The following SYTL5 variants were observed in gnomAD, a reference collection of about 807,000 sequenced individuals.
SYTL5 encodes the protein synaptotagmin-like protein 5.
A neutral mutation model predicts 55.9 loss-of-function variants in SYTL5; 34 were observed. The ratio of observed to expected loss-of-function variants is 0.61; its 90% CI spans 0.46 to 0.81. The LOEUF (loss-of-function observed/expected upper bound fraction) is 0.81, where lower values mean the gene tolerates loss of function less well. Ranked by LOEUF, SYTL5 falls within the 30% of genes least tolerant of loss-of-function variation. SYTL5 has a pLI of 0.00. For missense variants in SYTL5, 637 were observed against 546.7 expected, an observed-to-expected ratio of 1.17 and a Z score of -1.65; for synonymous variants, 221 against 188.7, an observed-to-expected ratio of 1.17 and a Z score of -1.40.
At chrX:37,911,826 A>G in the SYTL5 span, among the ~76,000 whole-genome samples, 1 of 111,981 alleles carries the variant, frequency 8.9e-6, no homozygotes, top group Admixed American at 9.5e-5. Context: ...ATATACGTAC[A>G]TGTATATTGT....
chrX:38,026,226 G>A (rs897217503), intron 1 of SYTL5, among the ~76,000 whole-genome samples: 3 of 112,337 alleles, frequency 2.7e-5, no homozygotes, highest in Non-Finnish European at 5.6e-5. Context: ...GATCTTCCTT[G>A]TCTATGCCTT....
chrX:38,040,123 G>A (rs1286571842), intron 2 of SYTL5, among the ~76,000 whole-genome samples: 1 of 109,318 alleles, frequency 9.1e-6, no homozygotes, highest in Non-Finnish European at 1.9e-5. Flanking sequence ...GCAGTGAGCC[G>A]AGGTCGCACC....
chrX:38,009,239 ACTT>A (rs1426426765), intron 1 of SYTL5, among the ~76,000 whole-genome samples: 1 of 111,817 alleles, frequency 8.9e-6, no homozygotes, highest in African/African-American at 3.2e-5. Context: ...TTTCTCTATA[ACTT>A]CTTATCAACC....
the SYTL5 span, among the ~76,000 whole-genome samples, chrX:37,925,066 T>A: frequency 9.0e-6 from 1 of 111,306 alleles, no homozygotes; most frequent in African/African-American, 3.3e-5. Flanking sequence ...TTCTACCTTT[T>A]ATCTCCATGA....
intron 14 of SYTL5, among the ~76,000 whole-genome samples, 194 bp downstream of exon 14, chrX:38,120,660 G>A (rs995053871): frequency 1.8e-5 from 2 of 110,885 alleles, no homozygotes; most frequent in Non-Finnish European, 3.8e-5. Flanking sequence ...CTCTTACAAG[G>A]AATCCTTGTA....
intron 1 of SYTL5, among the ~76,000 whole-genome samples, chrX:38,009,279 G>C (rs1452223349): frequency 8.9e-6 from 1 of 111,757 alleles, no homozygotes; most frequent in Non-Finnish European, 1.9e-5. Flanking sequence ...ACCTCTAAGT[G>C]GATACCTCCA....
At chrX:38,029,977 C>T (rs1411728956) in intron 1 of SYTL5, among the ~76,000 whole-genome samples, 1 of 111,627 alleles carries the variant, frequency 9.0e-6, no homozygotes, top group African/African-American at 3.2e-5. Context: ...CTTGCAGGCA[C>T]AGCTGGAAGG....
At chrX:37,965,236 A>AC in the SYTL5 span, among the ~76,000 whole-genome samples, 1 of 110,692 alleles carries the variant, frequency 9.0e-6, no homozygotes, top group East Asian at 2.8e-4. Flanking sequence ...CTTTTGCTGG[A>AC]CCCCATATAG....
chrX:37,985,914 G>A, the SYTL5 span, among the ~76,000 whole-genome samples: 1 of 111,228 alleles, frequency 9.0e-6, no homozygotes, highest in Admixed American at 9.5e-5. Flanking sequence ...GGGGAAGGAA[G>A]AGCACTATCA....
At chrX:38,043,661 G>GTATATATATATATATATATATATATA (rs35312093) in intron 2 of SYTL5, among the ~76,000 whole-genome samples, 12 of 50,140 alleles carry the variant, frequency 2.4e-4, no homozygotes, top group Admixed American at 5.0e-4. Flanking sequence ...ATGTATGTAT[G>GTATATATATATATATATATATATATA]TATATATATA....
intron 3 of SYTL5, among the ~76,000 whole-genome samples, chrX:38,070,992 C>T (rs1476091004): frequency 2.7e-5 from 3 of 111,296 alleles, no homozygotes; most frequent in Admixed American, 9.6e-5. Flanking sequence ...CCTCATTTCA[C>T]TGATGATAAT....
In SYTL5 at chrX:38,054,207, T is replaced by C. The variant is rs1368032170; in HGVS notation, c.120-6T>C. 2.2e-5 allele frequency: 26 copies of C among 1,198,328 alleles called. No homozygotes were observed. Among genetic ancestry groups the C allele is most frequent in the Middle Eastern group, 2.3e-4 (1 of 4,353 alleles). On this transcript the variant is annotated splice_polypyrimidine_tract_variant and splice_region_variant and intron_variant, in intron 2 of 16. Transcript: ENST00000297875. Reference sequence around the variant, plus strand: ...TTAAGTGATTTTTTTTCCCCTCTTCTTTCAGGAAGCTGAAAAATGAACTCT... The same window carrying C: ...TTAAGTGATTTTTTTTCCCCTCTTCCTTCAGGAAGCTGAAAAATGAACTCT...
the SYTL5 span, among the ~76,000 whole-genome samples, chrX:37,959,897 G>T: frequency 9.0e-6 from 1 of 111,504 alleles, no homozygotes; most frequent in African/African-American, 3.3e-5. Context: ...TTGAAATCTG[G>T]GTGAAGGATG....
intron 7 of SYTL5, among the ~76,000 whole-genome samples, chrX:38,093,979 T>G (rs942150071): frequency 9.0e-6 from 1 of 111,429 alleles, no homozygotes; most frequent in Admixed American, 9.6e-5. Flanking sequence ...ACATCCCTCA[T>G]GTAAGATTGA....
intron 1 of SYTL5, among the ~76,000 whole-genome samples, chrX:38,023,267 C>G (rs917267892): frequency 2.7e-5 from 3 of 112,078 alleles, no homozygotes; most frequent in African/African-American, 9.7e-5. Context: ...GGATTCAATT[C>G]TTAACATTAT....
chrX:37,905,733 G>T, the SYTL5 span, among the ~76,000 whole-genome samples: 66 of 112,795 alleles, frequency 5.9e-4, no homozygotes, highest in Non-Finnish European at 9.8e-4. Context: ...GAGCTCAAAT[G>T]GTCAGCCCGG....
At chrX:37,889,218 G>C in the SYTL5 span, among the ~76,000 whole-genome samples, 14 of 112,487 alleles carry the variant, frequency 1.2e-4, no homozygotes. Flanking sequence ...GGAGCTGTAA[G>C]TGACCCAGAG....
chrX:37,893,808 T>C, the SYTL5 span, among the ~76,000 whole-genome samples: 5 of 98,207 alleles, frequency 5.1e-5, no homozygotes, highest in African/African-American at 1.8e-4. Flanking sequence ...ATATAATCTA[T>C]ATATTATATA....
chrX:37,977,195 G>C, the SYTL5 span, among the ~76,000 whole-genome samples: 1 of 111,313 alleles, frequency 9.0e-6, no homozygotes, highest in Non-Finnish European at 1.9e-5. Flanking sequence ...GAGGGAGAGA[G>C]ACCTGTAAGC....
Sources: allele counts gnomAD v4.1 joint callset (sites outside exome capture counted in the v4.1 genomes callset), GRCh38; gene constraint gnomAD v4.1.1; transcripts MANE v1.5; gene names NCBI Gene and HGNC (gene_info 2026-07-23, HGNC 2026-07-21).